The following PPP6R2 variants were observed in gnomAD, a reference collection of about 807,000 sequenced individuals.
PPP6R2 encodes the protein serine/threonine-protein phosphatase 6 regulatory subunit 2.
A neutral mutation model predicts 100.2 loss-of-function variants in PPP6R2; 62 were observed. The observed-to-expected ratio is 0.62, with a 90% CI of 0.50 to 0.76. The LOEUF (loss-of-function observed/expected upper bound fraction) is 0.76, where lower values mean the gene tolerates loss of function less well. Among genes scored for constraint, PPP6R2 ranks in the 30% least tolerant of loss-of-function variants. The probability of loss-of-function intolerance (pLI) is 0.00; values close to 1 mark genes in which losing one functional copy is unlikely to be tolerated. For synonymous variants in PPP6R2, 525 were observed against 514.7 expected (o/e 1.02, Z -0.27); for missense variants, 1,142 against 1,276.3 (o/e 0.89, Z 1.60).
At chr22:50,335,113 G>A in the PPP6R2 span, among the ~76,000 whole-genome samples, 2 of 148,988 alleles carry the variant, frequency 1.3e-5, no homozygotes, top group East Asian at 2.1e-4. Flanking sequence ...GTGCAGTGGC[G>A]CAATCTCGGC....
In PPP6R2 at chr22:50,440,040, G is replaced by GAGA. The variant is rs1267334100; in HGVS notation, c.2367_2369dup (p.Lys790dup). 6.2e-7 allele frequency: 1 copy of GAGA among 1,612,690 alleles called. No individual in the cohort carries two copies. The highest frequency in any genetic ancestry group is 1.1e-5 in the South Asian group (1 of 91,014). On this transcript the variant is annotated inframe_insertion, in exon 21 of 24. Transcript: ENST00000612753. ...TGAGGGCAGCCGGAGCCAAGGCCCT[G>GAGA]AGAAAGCCTGTGAGTAGGAGCAGTG...
chr22:50,368,758 G>A (rs968673990), intron 1 of PPP6R2, among the ~76,000 whole-genome samples: 7 of 151,984 alleles, frequency 4.6e-5, no homozygotes, highest in African/African-American at 1.7e-4. Flanking sequence ...CACTTAGGCC[G>A]AAGGGATCCT....
chr22:50,411,463 A>AG (rs1337569148), intron 4 of PPP6R2, among the ~76,000 whole-genome samples: 2 of 151,464 alleles, frequency 1.3e-5, no homozygotes, highest in African/African-American at 4.9e-5. Flanking sequence ...CCAAAAAAAA[A>AG]GAAAAAAGGC....
At chr22:50,339,501 T>TG (rs2042344069), upstream of PPP6R2, among the ~76,000 whole-genome samples, 1 of 114,544 alleles carries the variant, frequency 8.7e-6, no homozygotes, top group South Asian at 2.9e-4. Context: ...AGGGTGTGTG[T>TG]TGTGTGTGTG....
chr22:50,334,625 T>A, the PPP6R2 span, among the ~76,000 whole-genome samples: 1 of 152,116 alleles, frequency 6.6e-6, no homozygotes, highest in Non-Finnish European at 1.5e-5. Context: ...CATTTGCATA[T>A]CTATACAGAT....
In PPP6R2 at chr22:50,444,370, G is replaced by GT; in HGVS notation, c.*124dup. ...TAATTTTAAAATAAATGCTGCATTG[G>GT]TAAAGCTGGCAGTTGAAACCAGTTG... is the stretch of plus-strand genomic sequence containing the variant. On this transcript the variant is annotated 3_prime_UTR_variant, in exon 24 of 24. Coordinates refer to ENST00000612753, the MANE Select transcript of PPP6R2 (RefSeq NM_001242898.2). 1 of 1,290,278 alleles carries GT rather than the reference G, an allele frequency of 7.8e-7. No homozygotes were observed. The highest frequency in any genetic ancestry group is 1.1e-6 in the Non-Finnish European group (1 of 939,460). 79.9% of individuals were successfully genotyped at this position (1,290,278 alleles called of 1,614,324 possible).
At chr22:50,429,109 C>T (rs1013012815) in intron 10 of PPP6R2, among the ~76,000 whole-genome samples, 3 of 151,966 alleles carry the variant, frequency 2.0e-5, no homozygotes, top group Non-Finnish European at 4.4e-5. Context: ...TGGCTCACGG[C>T]AACCGCCGCC....
chr22:50,408,769 T>C (rs2059343525), intron 4 of PPP6R2, among the ~76,000 whole-genome samples: 1 of 152,220 alleles, frequency 6.6e-6, no homozygotes, highest in Admixed American at 6.5e-5. Flanking sequence ...TTTCTTCCAT[T>C]CTCTCACCCA....
upstream of PPP6R2, among the ~76,000 whole-genome samples, chr22:50,341,497 C>T (rs1402175003): frequency 1.3e-5 from 2 of 152,182 alleles, no homozygotes; most frequent in Non-Finnish European, 2.9e-5. Flanking sequence ...AGCCACCGTG[C>T]CCAGGCAATC....
In PPP6R2 at chr22:50,351,041, T is replaced by G. The variant is rs75201754; in HGVS notation, c.-148+7491T>G. The stretch of plus-strand genomic sequence containing the variant: ...TCTCAACAGTGTTTTTTTTTTTTTT[T>G]TTTTTTTTTTTTTTTTGAGACAGAG... On this transcript the variant is annotated intron_variant, in intron 1 of 23. Coordinates refer to ENST00000612753, the MANE Select transcript of PPP6R2 (RefSeq NM_001242898.2). 2.7e-4 allele frequency among the ~76,000 whole-genome samples: 33 copies of G among 124,524 alleles called. 1 individual carries two copies. The highest frequency in any genetic ancestry group is 3.0e-4 in the African/African-American group (10 of 33,788). 81.7% of individuals were successfully genotyped at this position (124,524 alleles called of 152,430 possible). A position where few individuals can be genotyped will look rare whatever the true frequency, so the allele number is the denominator to read the frequency against.
At chr22:50,354,504 A>G (rs562394944) in intron 1 of PPP6R2, among the ~76,000 whole-genome samples, 3 of 152,020 alleles carry the variant, frequency 2.0e-5, no homozygotes, top group African/African-American at 7.2e-5. Flanking sequence ...TGGCTAGTCA[A>G]GTGAAGCACT....
chr22:50,441,671 A>T (rs1603423861), intron 22 of PPP6R2, among the ~76,000 whole-genome samples: 1 of 77,426 alleles, frequency 1.3e-5, no homozygotes, highest in Non-Finnish European at 3.0e-5. Flanking sequence ...TGAGCCCCCA[A>T]GAGCCATCCC....
intron 3 of PPP6R2, among the ~76,000 whole-genome samples, chr22:50,400,585 A>G (rs6417776): frequency 0.34 from 51,204 of 152,004 alleles, 9,577 homozygotes; most frequent in East Asian, 0.75. Context: ...TCAATTTCCC[A>G]GTAATGTGGA....
intron 1 of PPP6R2, among the ~76,000 whole-genome samples, chr22:50,361,507 A>T (rs531287777): frequency 6.6e-6 from 1 of 152,050 alleles, no homozygotes; most frequent in African/African-American, 2.4e-5. Context: ...GTTGGCTCTT[A>T]CTTCTTCTGT....
chr22:50,401,330 C>A (rs915173151), intron 3 of PPP6R2, among the ~76,000 whole-genome samples: 20 of 150,854 alleles, frequency 1.3e-4, no homozygotes, highest in Non-Finnish European at 2.4e-4. Context: ...CCTCAGCCTC[C>A]CGTGTAGCTG....
intron 13 of PPP6R2, 134 bp downstream of exon 13, chr22:50,435,215 G>A (rs2273258): frequency 0.21 from 132,644 of 633,290 alleles, 14,859 homozygotes; most frequent in East Asian, 0.25. Flanking sequence ...GGCCACCTCT[G>A]TCCTCTCACT....
Position 50,414,590 on chromosome 22 carries a change from C to A in PPP6R2, c.453C>A (p.Ser151Arg), listed in dbSNP as rs377146368. The change falls in exon 5 of 24, where the codon AGC becomes AGA. Residue 151 changes from serine to arginine, a missense_variant. Around this residue, in one of 2 missense-constraint regions of PPP6R2, gnomAD observed 592 missense variants for 758.9 expected, o/e 0.78. Transcript: ENST00000612753. Reference sequence around the variant, plus strand: ...TGAAGAAGAAGGACAAGTTCATCAGCCTGGTGTTGAAGCACATCGGCACCT... The same window carrying A: ...TGAAGAAGAAGGACAAGTTCATCAGACTGGTGTTGAAGCACATCGGCACCT... ...TFLKKKDKFI[S>R]LVLKHIGTSA... The A allele has an allele frequency of 2.5e-6, 4 of 1,613,876 alleles. No individual in the cohort carries two copies. The highest frequency in any genetic ancestry group is 3.4e-6 in the Non-Finnish European group (4 of 1,179,984).
At chr22:50,427,201 A>G (rs1246358979) in intron 10 of PPP6R2, among the ~76,000 whole-genome samples, 1 of 152,062 alleles carries the variant, frequency 6.6e-6, no homozygotes, top group African/African-American at 2.4e-5. Flanking sequence ...AAAAAAAAAA[A>G]AAACAGCTGG....
At chr22:50,401,187 C>T (rs1003985374) in intron 3 of PPP6R2, among the ~76,000 whole-genome samples, 1 of 152,070 alleles carries the variant, frequency 6.6e-6, no homozygotes, top group Non-Finnish European at 1.5e-5. Flanking sequence ...TGCCACCATG[C>T]TTAACATCTG....
Sources: gnomAD v4.1 joint callset for allele counts (sites outside exome capture counted in the v4.1 genomes callset) on GRCh38, gnomAD v4.1.1 for gene constraint, gnomAD v4.1.1 regional missense constraint, MANE v1.5 for transcripts, NCBI Gene and HGNC (gene_info 2026-07-23, HGNC 2026-07-21) for gene names.